The following NKAIN3 variants were observed in gnomAD, a reference collection of about 807,000 sequenced individuals.
The protein encoded by NKAIN3 is sodium/potassium transporting ATPase interacting 3.
Under a neutral mutation model 30.2 loss-of-function variants are expected in NKAIN3, and 25 were observed. The observed-to-expected ratio is 0.83, with a 90% CI of 0.60 to 1.16. The LOEUF (loss-of-function observed/expected upper bound fraction) is 1.16. NKAIN3 is among the 50% of genes most tolerant of loss of function. NKAIN3 has a pLI of 0.00. For synonymous variants in NKAIN3, 91 were observed against 89.6 expected, an observed-to-expected ratio of 1.02 and a Z score of -0.09; for missense variants, 225 against 254.1, an observed-to-expected ratio of 0.89 and a Z score of 0.78.
chr8:62,721,848 T>C (rs1181336308), intron 3 of NKAIN3, among the ~76,000 whole-genome samples: 1 of 152,184 alleles, frequency 6.6e-6, no homozygotes, highest in Non-Finnish European at 1.5e-5. Context: ...TCAACTGTTG[T>C]CACTTCAGAC....
intron 4 of NKAIN3, among the ~76,000 whole-genome samples, chr8:62,807,027 T>C (rs566702638): frequency 6.6e-6 from 1 of 152,194 alleles, no homozygotes; most frequent in East Asian, 1.9e-4. Context: ...TCCTAAAACA[T>C]ATATTATTCT....
chr8:62,640,811 A>C (rs1375658739), intron 3 of NKAIN3, among the ~76,000 whole-genome samples: 3 of 152,016 alleles, frequency 2.0e-5, no homozygotes, highest in Non-Finnish European at 4.4e-5. Context: ...CTACTCATCG[A>C]ATCTGGTCTA....
chr8:62,812,367 C>T (rs1779684426), intron 4 of NKAIN3, among the ~76,000 whole-genome samples: 1 of 151,662 alleles, frequency 6.6e-6, no homozygotes, highest in Non-Finnish European at 1.5e-5. Context: ...TCAACAAAAT[C>T]CCTGATGGGA....
chr8:62,523,322 A>G (rs1336820694), intron 1 of NKAIN3, among the ~76,000 whole-genome samples: 1 of 152,138 alleles, frequency 6.6e-6, no homozygotes, highest in Non-Finnish European at 1.5e-5. Context: ...AAACTGTCTA[A>G]TAACACATTT....
At chr8:62,689,725 T>C (rs1452636277) in intron 3 of NKAIN3, among the ~76,000 whole-genome samples, 1 of 152,116 alleles carries the variant, frequency 6.6e-6, no homozygotes, top group Non-Finnish European at 1.5e-5. Context: ...TATCCCCTTA[T>C]CTGAATTTCC....
Position 62,514,100 on chromosome 8 carries a change from T to C in NKAIN3, c.55-65439T>C, listed in dbSNP as rs906537672. ...TTTCTCCTAAGACTAACAGGAATCC[T>C]TGGACAGGTGCTTTCAGCAGAGAAT... On this transcript the variant is annotated intron_variant, in intron 1 of 6. Coordinates refer to ENST00000623646, the MANE Select transcript of NKAIN3 (RefSeq NM_001304533.3). Among the ~76,000 whole-genome samples the C allele has an allele frequency of 3.3e-5, 5 of 152,172 alleles. No individual in the cohort carries two copies. The East Asian group carries it at 9.7e-4, about 30-fold the overall frequency.
chr8:62,403,522 A>G (rs1001690903), intron 1 of NKAIN3, among the ~76,000 whole-genome samples: 1 of 152,164 alleles, frequency 6.6e-6, no homozygotes, highest in Non-Finnish European at 1.5e-5. Context: ...CACTCCAGCC[A>G]TGGCTGAAAG....
intron 3 of NKAIN3, among the ~76,000 whole-genome samples, chr8:62,732,684 G>A (rs1815513161): frequency 6.6e-6 from 1 of 151,960 alleles, no homozygotes; most frequent in Non-Finnish European, 1.5e-5. Flanking sequence ...TGTTTCCTAT[G>A]TATTGACACT....
At chr8:62,295,273 T>C (rs1459231651) in intron 1 of NKAIN3, among the ~76,000 whole-genome samples, 1 of 152,152 alleles carries the variant, frequency 6.6e-6, no homozygotes, top group Non-Finnish European at 1.5e-5. Flanking sequence ...CATAGGAGGT[T>C]GTGGCAGTAT....
chr8:62,986,763 C>T (rs1305648079), downstream of NKAIN3, among the ~76,000 whole-genome samples: 2 of 152,080 alleles, frequency 1.3e-5, no homozygotes, highest in Non-Finnish European at 2.9e-5. Flanking sequence ...CAAAACTCTG[C>T]TTTTCAGTAT....
chr8:62,890,273 A>G (rs1490865109), intron 4 of NKAIN3, among the ~76,000 whole-genome samples: 2 of 152,228 alleles, frequency 1.3e-5, no homozygotes, highest in East Asian at 1.9e-4. Flanking sequence ...ATAGCAAATA[A>G]GTATACTCAA....
chr8:62,574,360 A>T (rs1397170193), intron 1 of NKAIN3, among the ~76,000 whole-genome samples: 2 of 152,142 alleles, frequency 1.3e-5, no homozygotes, highest in Non-Finnish European at 2.9e-5. Context: ...GGGAGTACAG[A>T]TATCACTTTG....
downstream of NKAIN3, among the ~76,000 whole-genome samples, chr8:62,985,214 C>T (rs573790521): frequency 6.6e-6 from 1 of 152,224 alleles, no homozygotes; most frequent in African/African-American, 2.4e-5. Flanking sequence ...CATCTCACCC[C>T]TGCCACTCAC....
intron 5 of NKAIN3, among the ~76,000 whole-genome samples, chr8:62,952,936 A>G (rs977918655): frequency 6.6e-6 from 1 of 152,198 alleles, no homozygotes; most frequent in Admixed American, 6.5e-5. Flanking sequence ...AGTTGATTTG[A>G]GAAGTCTTAC....
intron 3 of NKAIN3, among the ~76,000 whole-genome samples, chr8:62,657,156 T>G (rs1812785577): frequency 6.6e-6 from 1 of 152,212 alleles, no homozygotes. Context: ...GAATTCTACC[T>G]TGCAAAGTAA....
At chr8:62,660,067 G>A (rs1812895728) in intron 3 of NKAIN3, among the ~76,000 whole-genome samples, 2 of 152,144 alleles carry the variant, frequency 1.3e-5, no homozygotes, top group South Asian at 2.1e-4. Flanking sequence ...CTTGGTGAAT[G>A]CCTCAGGGGG....
At chr8:62,297,828 T>A (rs949924647) in intron 1 of NKAIN3, among the ~76,000 whole-genome samples, 1 of 152,224 alleles carries the variant, frequency 6.6e-6, no homozygotes, top group African/African-American at 2.4e-5. Context: ...ACTGGGTATA[T>A]ACCCAAAGGA....
Position 62,371,303 on chromosome 8 carries a change from A to T in NKAIN3, c.54+122176A>T, listed in dbSNP as rs138807992. Among the ~76,000 whole-genome samples, 182 of 151,784 alleles carry T rather than the reference A, an allele frequency of 1.2e-3. 5 individuals are homozygous for T. The East Asian group carries it at 0.03, about 25-fold the overall frequency. On this transcript the variant is annotated intron_variant, in intron 1 of 6. Coordinates refer to ENST00000623646, the MANE Select transcript of NKAIN3 (RefSeq NM_001304533.3). Reference sequence around the variant, plus strand: ...ATTCTTTCAAGAACCATCTACATAGATTATGTTTAGGTGTTTTTGGAATAC... The same window carrying T: ...ATTCTTTCAAGAACCATCTACATAGTTTATGTTTAGGTGTTTTTGGAATAC...
intron 4 of NKAIN3, among the ~76,000 whole-genome samples, chr8:62,875,985 A>G (rs1820783293): frequency 6.6e-6 from 1 of 152,162 alleles, no homozygotes; most frequent in South Asian, 2.1e-4. Context: ...ATGAGATCTA[A>G]TTAAACTAAA....
Sources: allele counts gnomAD v4.1 joint callset (sites outside exome capture counted in the v4.1 genomes callset), GRCh38; gene constraint gnomAD v4.1.1; transcripts MANE v1.5; gene names NCBI Gene and HGNC (gene_info 2026-07-23, HGNC 2026-07-21).